Variants in NAALADL2 observed in about 807,000 individuals in gnomAD.
NAALADL2 encodes N-acetylated alpha-linked acidic dipeptidase like 2, also known as inactive N-acetylated-alpha-linked acidic dipeptidase-like protein 2.
NAALADL2 carries 76 observed loss-of-function variants against 87.2 expected under a neutral mutation model. The ratio of observed to expected loss-of-function variants is 0.87; its 90% CI spans 0.72 to 1.05. NAALADL2 has a LOEUF of 1.05. Ranked by LOEUF, NAALADL2 falls within the 50% of genes least tolerant of loss-of-function variation. The pLI, the probability that NAALADL2 is intolerant of heterozygous loss-of-function variation, is 0.00. For synonymous variants in NAALADL2, 354 were observed against 331.0 expected, an observed-to-expected ratio of 1.07 and a Z score of -0.75; for missense variants, 1,089 against 945.8, an observed-to-expected ratio of 1.15 and a Z score of -1.99.
At chr3:174,730,113 C>G (rs1454099937) in intron 2 of NAALADL2, among the ~76,000 whole-genome samples, 1 of 152,080 alleles carries the variant, frequency 6.6e-6, no homozygotes, top group African/African-American at 2.4e-5. Context: ...TTAGCCTTTA[C>G]TGACTCCTTG....
intron 9 of NAALADL2, among the ~76,000 whole-genome samples, chr3:175,482,117 C>T (rs1344991254): frequency 6.6e-6 from 1 of 151,738 alleles, no homozygotes; most frequent in Non-Finnish European, 1.5e-5. Context: ...ATTGGAGAAA[C>T]TAAAATATAC....
In NAALADL2 at chr3:174,551,080, G is replaced by A. The variant is rs186465215; in HGVS notation, c.-115+443G>A. The A allele has an allele frequency of 1.0e-3, 156 of 152,156 alleles. 3 individuals are homozygous for A. In the East Asian group the frequency reaches 0.02, roughly 20 times the overall value. 9.4% of individuals were successfully genotyped at this position (152,156 alleles called of 1,614,324 possible). A position where few individuals can be genotyped will look rare whatever the true frequency, so the allele number is the denominator to read the frequency against. On this transcript the variant is annotated intron_variant, in intron 2 of 3. Coordinates refer to the NAALADL2 transcript ENST00000434257. ...ACATATGTATACATGTGCCATGCTG[G>A]TGTGCTGCACCCATTAACTCGTCAT...
At chr3:174,451,066 T>G (rs545612879) in intron 1 of NAALADL2, among the ~76,000 whole-genome samples, 4 of 152,252 alleles carry the variant, frequency 2.6e-5, no homozygotes, top group African/African-American at 9.6e-5. Context: ...TGGACATTTT[T>G]AAGAGTAACA....
chr3:175,621,143 C>A (rs1726177616), intron 10 of NAALADL2, among the ~76,000 whole-genome samples: 2 of 152,170 alleles, frequency 1.3e-5, no homozygotes, highest in Non-Finnish European at 2.9e-5. Flanking sequence ...GCTCGGTTTT[C>A]CGGCTTTAAA....
intron 5 of NAALADL2, among the ~76,000 whole-genome samples, chr3:175,430,196 A>G (rs1426350709): frequency 3.9e-5 from 6 of 151,958 alleles, no homozygotes; most frequent in African/African-American, 1.4e-4. Context: ...CCGTTAAATT[A>G]TGCATTGAGA....
intron 1 of NAALADL2, among the ~76,000 whole-genome samples, chr3:175,076,307 A>G (rs1353298300): frequency 1.1e-4 from 16 of 151,324 alleles, no homozygotes; most frequent in Non-Finnish European, 2.9e-5. Context: ...CTTCTGCCAA[A>G]TCGTGTATTT....
chr3:175,116,547 A>G (rs540226659), intron 2 of NAALADL2, among the ~76,000 whole-genome samples: 2 of 152,212 alleles, frequency 1.3e-5, no homozygotes, highest in Admixed American at 1.3e-4. Flanking sequence ...GACCTCTTCA[A>G]GGAGCACTAC....
intron 5 of NAALADL2, among the ~76,000 whole-genome samples, chr3:175,328,671 C>A (rs987077154): frequency 6.6e-6 from 1 of 152,090 alleles, no homozygotes; most frequent in African/African-American, 2.4e-5. Flanking sequence ...GCACAAGAAC[C>A]CTGCATTTTA....
At chr3:174,844,228 C>T (rs3905969) in intron 3 of NAALADL2, among the ~76,000 whole-genome samples, 27,571 of 152,088 alleles carry the variant, frequency 0.18, 2,802 homozygotes, top group East Asian at 0.44. Context: ...CATATTCTAG[C>T]ACCATTTATT....
intron 5 of NAALADL2, among the ~76,000 whole-genome samples, chr3:175,390,242 TA>T (rs1560476688): frequency 2.0e-5 from 3 of 152,052 alleles, no homozygotes. Flanking sequence ...AAACAAAAAA[TA>T]GGGCTCAAAT....
intron 5 of NAALADL2, among the ~76,000 whole-genome samples, chr3:175,390,439 C>G (rs999941324): frequency 6.6e-6 from 1 of 152,166 alleles, no homozygotes; most frequent in African/African-American, 2.4e-5. Flanking sequence ...GGAAACTATT[C>G]TGGTGAAACT....
chr3:175,190,376 A>G (rs1422798204), intron 2 of NAALADL2, among the ~76,000 whole-genome samples: 46 of 152,114 alleles, frequency 3.0e-4, no homozygotes, highest in Admixed American at 3.0e-3. Flanking sequence ...AAATAACCCA[A>G]TAAAAAAATG....
Position 175,589,928 on chromosome 3 carries a change from C to A in NAALADL2, c.1800+13741C>A, listed in dbSNP as rs151031571. On this transcript the variant is annotated intron_variant, in intron 10 of 13. Transcript: ENST00000454872. ...CTTTAAAAATATATATTTACCAATT[C>A]TTGGCCGGGTGTGGTGGTTCACGCC... Among the ~76,000 whole-genome samples the A allele has an allele frequency of 8.2e-3, 1,245 of 152,164 alleles. 16 individuals are homozygous for A. Among genetic ancestry groups the A allele is most frequent in the African/African-American group, 0.028 (1,178 of 41,518 alleles).
At chr3:175,595,049 G>A (rs1216246531) in intron 10 of NAALADL2, among the ~76,000 whole-genome samples, 1 of 151,944 alleles carries the variant, frequency 6.6e-6, no homozygotes, top group Non-Finnish European at 1.5e-5. Flanking sequence ...TTACTTTGGG[G>A]ACATAGCCAA....
At chr3:175,622,355 A>G (rs1726346988) in intron 10 of NAALADL2, among the ~76,000 whole-genome samples, 1 of 152,120 alleles carries the variant, frequency 6.6e-6, no homozygotes, top group Non-Finnish European at 1.5e-5. Context: ...CTCAACTATC[A>G]CTTAATTGAT....
At chr3:174,800,916 C>A (rs889697962) in intron 3 of NAALADL2, among the ~76,000 whole-genome samples, 2 of 152,126 alleles carry the variant, frequency 1.3e-5, no homozygotes, top group Non-Finnish European at 1.5e-5. Flanking sequence ...GGCTTGTAGC[C>A]CCTTTGTTTT....
At chr3:174,669,264 GTTT>G (rs1241108150) in intron 2 of NAALADL2, among the ~76,000 whole-genome samples, 1 of 50,882 alleles carries the variant, frequency 2.0e-5, no homozygotes, top group African/African-American at 1.1e-4. Context: ...TTTTGATGGG[GTTT>G]TTTTTTCTTG....
intron 2 of NAALADL2, among the ~76,000 whole-genome samples, chr3:175,100,197 G>A (rs1721892077): frequency 6.6e-6 from 1 of 151,976 alleles, no homozygotes; most frequent in Admixed American, 6.6e-5. Context: ...GACAATTGAT[G>A]CTACATTTCT....
At chr3:174,837,457 C>T (rs1489333906) in intron 3 of NAALADL2, among the ~76,000 whole-genome samples, 1 of 152,040 alleles carries the variant, frequency 6.6e-6, no homozygotes, top group Non-Finnish European at 1.5e-5. Flanking sequence ...AATCAGGTGC[C>T]CTGAATAGAC....
Sources: allele counts gnomAD v4.1 joint callset (sites outside exome capture counted in the v4.1 genomes callset), GRCh38; gene constraint gnomAD v4.1.1; transcripts MANE v1.5; gene names NCBI Gene and HGNC (gene_info 2026-07-23, HGNC 2026-07-21).